WWOX: variants seen among roughly 807,000 people sequenced by gnomAD.
The protein encoded by WWOX is WW domain-containing oxidoreductase.
Under a neutral mutation model 46.2 loss-of-function variants are expected in WWOX, and 69 were observed. The observed-to-expected ratio is 1.49, with a 90% CI of 1.23 to 1.82. The LOEUF (loss-of-function observed/expected upper bound fraction) is 1.82. Among genes scored for constraint, WWOX ranks in the 40% most tolerant of loss-of-function variants. WWOX has a pLI of 0.00. For missense variants in WWOX, 919 were observed against 542.6 expected, an observed-to-expected ratio of 1.69 and a Z score of -6.89; for synonymous variants, 359 against 202.6, an observed-to-expected ratio of 1.77 and a Z score of -6.56.
chr16:78,501,371 C>T (rs2085063698), intron 8 of WWOX, among the ~76,000 whole-genome samples: 1 of 151,838 alleles, frequency 6.6e-6, no homozygotes, highest in African/African-American at 2.4e-5. Context: ...CCTCCTCTAG[C>T]CGGCTGCAGC....
At chr16:78,908,448 G>A (rs568085524) in intron 8 of WWOX, among the ~76,000 whole-genome samples, 1 of 151,848 alleles carries the variant, frequency 6.6e-6, no homozygotes, top group Non-Finnish European at 1.5e-5. Context: ...GCAGAGGCAG[G>A]AGAACTGCTT....
chr16:79,173,332 G>C (rs2050738531), intron 8 of WWOX, among the ~76,000 whole-genome samples: 1 of 152,080 alleles, frequency 6.6e-6, no homozygotes, highest in African/African-American at 2.4e-5. Context: ...AAAACACTTT[G>C]TATGTTTGGG....
rs79946200 is a variant in WWOX, at chr16:78,104,479, G to A, written c.108-3944G>A. On this transcript the variant is annotated intron_variant, in intron 1 of 8. Coordinates refer to ENST00000566780, the MANE Select transcript of WWOX (RefSeq NM_016373.4). ...TGATTGCATCACTGTACTCTAGCCT[G>A]GGCCACAGAATGAGACCTTGTCTAA... Among the ~76,000 whole-genome samples the A allele has an allele frequency of 3.1e-3, 477 of 152,228 alleles. 1 individual carries two copies. The highest frequency in any genetic ancestry group is 0.01 in the African/African-American group (436 of 41,528).
chr16:78,625,219 G>T (rs528406411), intron 8 of WWOX, among the ~76,000 whole-genome samples: 19 of 152,222 alleles, frequency 1.2e-4, no homozygotes, highest in African/African-American at 4.1e-4. Context: ...CTGCGTTTAG[G>T]CTGGGGTCAC....
chr16:78,836,602 C>G (rs1030288767), intron 8 of WWOX, among the ~76,000 whole-genome samples: 3 of 152,126 alleles, frequency 2.0e-5, no homozygotes, highest in Non-Finnish European at 2.9e-5. Flanking sequence ...CAGGCCTTGC[C>G]AATACAGTAC....
chr16:78,959,465 C>A (rs531371100), intron 8 of WWOX, among the ~76,000 whole-genome samples: 4 of 152,168 alleles, frequency 2.6e-5, no homozygotes, highest in Admixed American at 2.0e-4. Context: ...TAATAAAAAC[C>A]TTCACAGGGT....
At chr16:78,796,024 G>C (rs775921650) in intron 8 of WWOX, among the ~76,000 whole-genome samples, 1 of 152,130 alleles carries the variant, frequency 6.6e-6, no homozygotes, top group Non-Finnish European at 1.5e-5. Flanking sequence ...CACTAAGGAA[G>C]TTTGTGGCAA....
rs539598908 is a variant in WWOX at position 78,781,403 on chromosome 16, C to G, written c.1056+348651C>G. ...CTGGTATTCCGTCAGTCTTACTACC[C>G]CCTCCCACCTCTAGCCCACCCTCTA... is the stretch of plus-strand genomic sequence containing the variant. On this transcript the variant is annotated intron_variant, in intron 8 of 8. Transcript: ENST00000566780. Among the ~76,000 whole-genome samples the G allele has an allele frequency of 2.0e-5, 3 of 152,110 alleles. No individual in the cohort carries two copies. The East Asian group carries it at 5.8e-4, about 29-fold the overall frequency.
intron 8 of WWOX, among the ~76,000 whole-genome samples, chr16:78,758,810 G>A (rs1311816669): frequency 1.3e-5 from 2 of 151,964 alleles, no homozygotes; most frequent in African/African-American, 4.8e-5. Flanking sequence ...TTTGCTATAA[G>A]GAGGATGTAT....
intron 8 of WWOX, among the ~76,000 whole-genome samples, chr16:78,956,248 C>A: frequency 6.6e-6 from 1 of 152,172 alleles, no homozygotes; most frequent in South Asian, 2.1e-4. Context: ...AGGGCTCAAG[C>A]AATTCTGCTG....
chr16:78,119,519 A>G (rs918514218), intron 4 of WWOX, among the ~76,000 whole-genome samples: 1 of 152,182 alleles, frequency 6.6e-6, no homozygotes, highest in Non-Finnish European at 1.5e-5. Context: ...CATTGTCTTA[A>G]TTAGCTAGAT....
chr16:78,475,306 G>C (rs1267967460), intron 8 of WWOX, among the ~76,000 whole-genome samples: 1 of 152,210 alleles, frequency 6.6e-6, no homozygotes, highest in African/African-American at 2.4e-5. Flanking sequence ...TCCTTGTGCT[G>C]TTTTGGGCTC....
intron 8 of WWOX, among the ~76,000 whole-genome samples, chr16:78,977,023 T>G (rs2046586023): frequency 6.6e-6 from 1 of 152,200 alleles, no homozygotes; most frequent in Non-Finnish European, 1.5e-5. Flanking sequence ...AGCTTTCCCC[T>G]GGCCTGGGAC....
intron 8 of WWOX, among the ~76,000 whole-genome samples, chr16:78,671,101 C>G (rs986148982): frequency 6.6e-6 from 1 of 152,180 alleles, no homozygotes; most frequent in Non-Finnish European, 1.5e-5. Context: ...AGATTTCAAA[C>G]CTCTGGCTTC....
intron 8 of WWOX, among the ~76,000 whole-genome samples, chr16:78,683,076 C>T (rs900711936): frequency 1.1e-4 from 16 of 152,172 alleles, no homozygotes; most frequent in African/African-American, 3.9e-4. Context: ...AACCTGGGTT[C>T]TGACTCCAGA....
intron 8 of WWOX, among the ~76,000 whole-genome samples, chr16:78,722,310 T>C (rs2142356043): frequency 6.6e-6 from 1 of 152,280 alleles, no homozygotes; most frequent in East Asian, 1.9e-4. Context: ...TTGAGCATCT[T>C]TACTCAAGGC....
At chr16:78,238,744 C>T (rs146663489) in intron 5 of WWOX, among the ~76,000 whole-genome samples, 299 of 151,962 alleles carry the variant, frequency 2.0e-3, no homozygotes, top group Non-Finnish European at 3.6e-3. Context: ...CGCAGCCTCC[C>T]GAGTAGCTGG....
chr16:79,014,639 G>C (rs1167899322), intron 8 of WWOX, among the ~76,000 whole-genome samples: 2 of 152,102 alleles, frequency 1.3e-5, no homozygotes, highest in African/African-American at 2.4e-5. Flanking sequence ...ACTTTGAATA[G>C]TTTATTAATC....
intron 8 of WWOX, among the ~76,000 whole-genome samples, chr16:78,831,642 C>A (rs1388811055): frequency 1.3e-5 from 2 of 152,174 alleles, no homozygotes; most frequent in Non-Finnish European, 2.9e-5. Context: ...TGAGTTTTTT[C>A]ATCTGTGAAA....
Sources: gnomAD v4.1 joint callset for allele counts (sites outside exome capture counted in the v4.1 genomes callset) on GRCh38, gnomAD v4.1.1 for gene constraint, MANE v1.5 for transcripts, NCBI Gene and HGNC (gene_info 2026-07-23, HGNC 2026-07-21) for gene names.